The following ANKRD28 variants were observed in gnomAD, a reference collection of about 807,000 sequenced individuals.
ANKRD28 encodes ankyrin repeat domain 28.
ANKRD28 carries 44 observed loss-of-function variants against 126.5 expected under a neutral mutation model. The observed-to-expected ratio is 0.35, with a 90% CI of 0.27 to 0.45. The LOEUF (loss-of-function observed/expected upper bound fraction) is 0.45. Among genes scored for constraint, ANKRD28 ranks in the 20% least tolerant of loss-of-function variants. The probability of loss-of-function intolerance (pLI) is 1.00; values close to 1 mark genes in which losing one functional copy is unlikely to be tolerated. For synonymous variants in ANKRD28, 442 were observed against 468.5 expected (o/e 0.94, Z 0.73); for missense variants, 1,110 against 1,316.6 (o/e 0.84, Z 2.43).
intron 2 of ANKRD28, among the ~76,000 whole-genome samples, chr3:15,785,120 A>C (rs1446283610): frequency 6.6e-6 from 1 of 152,088 alleles, no homozygotes; most frequent in Non-Finnish European, 1.5e-5. Flanking sequence ...AAAACTATAA[A>C]ACTCCTGGAA....
At chr3:15,748,386 G>A (rs1336392838) in intron 4 of ANKRD28, among the ~76,000 whole-genome samples, 1 of 152,154 alleles carries the variant, frequency 6.6e-6, no homozygotes, top group African/African-American at 2.4e-5. Flanking sequence ...GCGCTGGCTT[G>A]GTAGTGGTGA....
At chr3:15,687,728 C>T (rs1384320095) in intron 18 of ANKRD28, among the ~76,000 whole-genome samples, 1 of 152,184 alleles carries the variant, frequency 6.6e-6, no homozygotes, top group Non-Finnish European at 1.5e-5. Flanking sequence ...GTATGCTGCA[C>T]TCTGCCAGCA....
In ANKRD28 at chr3:15,735,508, A is replaced by G; in HGVS notation, c.553-11T>C. The G allele has an allele frequency of 3.9e-6, 6 of 1,531,808 alleles. No homozygotes were observed. The highest frequency in any genetic ancestry group is 5.3e-6 in the Non-Finnish European group (6 of 1,131,382). 94.9% of individuals were successfully genotyped at this position (1,531,808 alleles called of 1,614,324 possible). A position where few individuals can be genotyped will look rare whatever the true frequency, so the allele number is the denominator to read the frequency against. On this transcript the variant is annotated splice_polypyrimidine_tract_variant and intron_variant, in intron 5 of 27. Transcript: ENST00000683139. The stretch of plus-strand genomic sequence containing the variant: ...GAGTAGTTTGACCATCTGGAATAGA[A>G]GTAAACACAGTGTCATCAAAATTGT...
At chr3:15,772,021 G>A (rs2059037879) in intron 2 of ANKRD28, among the ~76,000 whole-genome samples, 1 of 152,086 alleles carries the variant, frequency 6.6e-6, no homozygotes, top group African/African-American at 2.4e-5. Context: ...CATTAGAAAA[G>A]TATTTTGAAT....
chr3:15,840,748 G>C (rs2061410102), intron 1 of ANKRD28, among the ~76,000 whole-genome samples: 1 of 152,170 alleles, frequency 6.6e-6, no homozygotes, highest in Admixed American at 6.5e-5. Context: ...CACCTACAAT[G>C]AACTCATTTT....
intron 7 of ANKRD28, among the ~76,000 whole-genome samples, chr3:15,723,385 T>G (rs916762321): frequency 3.9e-5 from 6 of 152,230 alleles, no homozygotes; most frequent in Non-Finnish European, 7.3e-5. Context: ...CTCTAGCAGA[T>G]CCTTATGCTA....
intron 17 of ANKRD28, among the ~76,000 whole-genome samples, chr3:15,691,489 T>C (rs534279818): frequency 5.0e-4 from 76 of 152,262 alleles, no homozygotes; most frequent in African/African-American, 1.8e-3. Context: ...AAATCCAACA[T>C]GGCAACTGAA....
intron 17 of ANKRD28, among the ~76,000 whole-genome samples, chr3:15,692,152 A>T (rs1467810550): frequency 1.3e-5 from 2 of 151,080 alleles, no homozygotes; most frequent in African/African-American, 4.9e-5. Context: ...AATAAAAAAA[A>T]AAAAAAAAAA....
chr3:15,692,182 T>C (rs1056551692), intron 17 of ANKRD28, among the ~76,000 whole-genome samples: 2 of 147,192 alleles, frequency 1.4e-5, no homozygotes, highest in African/African-American at 5.0e-5. Flanking sequence ...TTGGGCATGG[T>C]CACTCACACC....
intron 1 of ANKRD28, among the ~76,000 whole-genome samples, chr3:15,819,403 G>T (rs1000320903): frequency 2.0e-5 from 3 of 152,160 alleles, no homozygotes; most frequent in Non-Finnish European, 2.9e-5. Context: ...TCTGACAAAG[G>T]TACAAAGGCA....
chr3:15,710,805 C>T (rs1214698413), intron 12 of ANKRD28, among the ~76,000 whole-genome samples: 1 of 151,786 alleles, frequency 6.6e-6, no homozygotes, highest in East Asian at 1.9e-4. Context: ...AGAGGTAAGA[C>T]ACAGCACAAA....
Position 15,700,829 on chromosome 3 carries a change from A to G in ANKRD28, c.1548-4584T>C, listed in dbSNP as rs187804871. On this transcript the variant is annotated intron_variant, in intron 14 of 27. Coordinates refer to ENST00000683139, the MANE Select transcript of ANKRD28 (RefSeq NM_001349278.2). ...ATTTTAATACATTTTATTACAGCAG[A>G]AAAAAAAAGCACTGAAATAGCACTG... Among the ~76,000 whole-genome samples, 455 of 151,612 alleles carry G rather than the reference A, an allele frequency of 3.0e-3. 2 individuals carry two copies. Among genetic ancestry groups the G allele is most frequent in the African/African-American group, 0.01 (432 of 41,348 alleles).
At chr3:15,780,980 G>A (rs2059511378) in intron 2 of ANKRD28, among the ~76,000 whole-genome samples, 1 of 151,770 alleles carries the variant, frequency 6.6e-6, no homozygotes. Flanking sequence ...AACAAGGCGG[G>A]GAAGCACCAC....
At chr3:15,790,880 T>G (rs913035599) in intron 2 of ANKRD28, among the ~76,000 whole-genome samples, 1 of 152,082 alleles carries the variant, frequency 6.6e-6, no homozygotes, top group African/African-American at 2.4e-5. Context: ...AATCTTATAT[T>G]TGGAAAAACC....
intron 1 of ANKRD28, among the ~76,000 whole-genome samples, chr3:15,849,598 A>T (rs990485662): frequency 6.6e-6 from 1 of 152,190 alleles, no homozygotes; most frequent in Non-Finnish European, 1.5e-5. Flanking sequence ...AATAACCCTT[A>T]CTTCCAGAGA....
rs1252110734 is a variant in ANKRD28, at chr3:15,670,238, T to C, written c.*32A>G. 6.2e-6 allele frequency: 10 copies of C among 1,602,858 alleles called. No homozygotes were observed. The highest frequency in any genetic ancestry group is 7.7e-6 in the Non-Finnish European group (9 of 1,171,706). On this transcript the variant is annotated 3_prime_UTR_variant, in exon 28 of 28. Transcript: ENST00000683139. ...TTCCTGAAAAAGCACAGTTTGAAGC[T>C]TTACTGTGAGAACTCCCTCCTCCTC... is the stretch of plus-strand genomic sequence containing the variant.
intron 17 of ANKRD28, among the ~76,000 whole-genome samples, chr3:15,694,198 T>C (rs1174459089): frequency 2.1e-5 from 3 of 142,396 alleles, no homozygotes; most frequent in Non-Finnish European, 4.7e-5. Flanking sequence ...ACCTTCTCCA[T>C]TTAGTGATTG....
chr3:15,751,939 A>AT (rs1258455370), intron 3 of ANKRD28, 119 bp from the exon 4 acceptor site: 4 of 616,068 alleles, frequency 6.5e-6, no homozygotes, highest in Admixed American at 3.8e-5. Context: ...AAAAAAACTT[A>AT]TTTTTTACAC....
In ANKRD28 at chr3:15,797,449, G is replaced by A. The variant is rs571592325; in HGVS notation, c.-928C>T. 2.6e-4 allele frequency: 259 copies of A among 985,234 alleles called. No homozygotes were observed. The highest frequency in any genetic ancestry group is 3.0e-4 in the Non-Finnish European group (253 of 829,978). 61.0% of individuals were successfully genotyped at this position (985,234 alleles called of 1,614,324 possible). A position where few individuals can be genotyped will look rare whatever the true frequency, so the allele number is the denominator to read the frequency against. ...TGGCTGCTCCAGCAAAAGGGCACAGGCACCAGGCAGAAATGGTGTTAGTGG... is the reference window on the plus strand; with the variant it reads ...TGGCTGCTCCAGCAAAAGGGCACAGACACCAGGCAGAAATGGTGTTAGTGG... On this transcript the variant is annotated 5_prime_UTR_variant, in exon 1 of 28. Coordinates refer to ENST00000683139, the MANE Select transcript of ANKRD28 (RefSeq NM_001349278.2).
Sources: allele counts gnomAD v4.1 joint callset (sites outside exome capture counted in the v4.1 genomes callset), GRCh38; gene constraint gnomAD v4.1.1; transcripts MANE v1.5; gene names NCBI Gene and HGNC (gene_info 2026-07-23, HGNC 2026-07-21).